PTPRD: variants seen among roughly 807,000 people sequenced by gnomAD.
PTPRD encodes the protein protein tyrosine phosphatase receptor type D.
Under a neutral mutation model 214.5 loss-of-function variants are expected in PTPRD, and 34 were observed. That is an observed-to-expected ratio of 0.16 (90% CI 0.12 to 0.21). The LOEUF is 0.21. PTPRD is among the 10% of genes least tolerant of loss of function. PTPRD has a pLI of 1.00. For missense variants in PTPRD, 2,545 were observed against 2,398.7 expected, an observed-to-expected ratio of 1.06 and a Z score of -1.27; for synonymous variants, 1,128 against 845.7, an observed-to-expected ratio of 1.33 and a Z score of -5.79.
At chr9:8,955,754 A>T (rs1264819275) in intron 11 of PTPRD, among the ~76,000 whole-genome samples, 3 of 149,850 alleles carry the variant, frequency 2.0e-5, no homozygotes, top group African/African-American at 7.3e-5. Context: ...CCTTTTAATT[A>T]AAAAAAGTCT....
At chr9:10,311,892 C>T (rs1192408822) in intron 3 of PTPRD, among the ~76,000 whole-genome samples, 5 of 151,962 alleles carry the variant, frequency 3.3e-5, no homozygotes, top group Non-Finnish European at 5.9e-5. Context: ...GTCAGGACTG[C>T]CCATTGGGAG....
chr9:9,741,612 C>A (rs1310996788), intron 6 of PTPRD, among the ~76,000 whole-genome samples: 1 of 152,122 alleles, frequency 6.6e-6, no homozygotes, highest in South Asian at 2.1e-4. Flanking sequence ...CATAGTCCCC[C>A]AAACCCTGAC....
At chr9:10,010,511 T>C (rs2096575050) in intron 4 of PTPRD, among the ~76,000 whole-genome samples, 1 of 151,740 alleles carries the variant, frequency 6.6e-6, no homozygotes, top group African/African-American at 2.4e-5. Context: ...CTTATTCAGG[T>C]ATTGATGAGT....
intron 11 of PTPRD, among the ~76,000 whole-genome samples, chr9:8,944,520 G>A (rs2099052234): frequency 6.6e-6 from 1 of 152,194 alleles, no homozygotes; most frequent in Middle Eastern, 3.4e-3. Flanking sequence ...ATCGACAGAT[G>A]AATGGATAAA....
intron 11 of PTPRD, among the ~76,000 whole-genome samples, chr9:8,829,959 TGAGAC>T (rs1263731149): frequency 4.6e-5 from 7 of 152,198 alleles, no homozygotes; most frequent in African/African-American, 1.7e-4. Context: ...ATAATGTAGC[TGAGAC>T]AACAGACCTT....
At chr9:9,058,441 G>GTTTTTTTTTTTTTT (rs2099700335) in intron 10 of PTPRD, among the ~76,000 whole-genome samples, 1 of 53,332 alleles carries the variant, frequency 1.9e-5, no homozygotes, top group Non-Finnish European at 4.9e-5. Context: ...ATATTATGAG[G>GTTTTTTTTTTTTTT]GTTTTTTTTT....
intron 5 of PTPRD, among the ~76,000 whole-genome samples, chr9:9,819,274 G>T (rs75208457): frequency 0.019 from 2,818 of 152,096 alleles, 79 homozygotes; most frequent in African/African-American, 0.065. Flanking sequence ...TCTCTATAAC[G>T]ATTTATTACA....
At chr9:10,213,885 C>T (rs1476549291) in intron 3 of PTPRD, among the ~76,000 whole-genome samples, 2 of 152,020 alleles carry the variant, frequency 1.3e-5, no homozygotes, top group East Asian at 3.9e-4. Context: ...ATTATACAAG[C>T]TTCAGAACCT....
At chr9:9,778,442 C>T (rs1207583514) in intron 5 of PTPRD, among the ~76,000 whole-genome samples, 1 of 152,116 alleles carries the variant, frequency 6.6e-6, no homozygotes, top group African/African-American at 2.4e-5. Flanking sequence ...TGGGCAGCTC[C>T]AGCAAAAAGT....
intron 8 of PTPRD, among the ~76,000 whole-genome samples, chr9:9,487,102 C>G (rs1187221014): frequency 6.6e-6 from 1 of 152,044 alleles, no homozygotes; most frequent in Non-Finnish European, 1.5e-5. Context: ...GGTACATTTG[C>G]ACAATGTGCA....
At chr9:9,045,532 G>A (rs1440869415) in intron 10 of PTPRD, among the ~76,000 whole-genome samples, 1 of 152,186 alleles carries the variant, frequency 6.6e-6, no homozygotes, top group African/African-American at 2.4e-5. Context: ...CAAGGTAACA[G>A]TTGAAGTTGC....
Position 9,062,578 on chromosome 9 carries a change from AT to A in PTPRD, c.-142-43844del, listed in dbSNP as rs1471794629. On this transcript the variant is annotated intron_variant, in intron 10 of 45. Coordinates refer to ENST00000381196, the MANE Select transcript of PTPRD (RefSeq NM_002839.4). ...ATATTATCTATCTATCTATCTATCT[AT>A]CTACCTACCTACCATCTATCTAACT... Among the ~76,000 whole-genome samples, 1,453 of 151,446 alleles carry A rather than the reference AT, an allele frequency of 9.6e-3. 25 individuals carry two copies. Among genetic ancestry groups the A allele is most frequent in the African/African-American group, 0.034 (1,380 of 41,084 alleles).
chr9:9,267,823 C>T (rs1320160290), intron 9 of PTPRD, among the ~76,000 whole-genome samples: 1 of 150,416 alleles, frequency 6.6e-6, no homozygotes, highest in African/African-American at 2.4e-5. Context: ...CAAAATTGAA[C>T]ATATTTTTAT....
intron 11 of PTPRD, among the ~76,000 whole-genome samples, chr9:8,934,458 T>A (rs1243885389): frequency 0.016 from 262 of 16,428 alleles, 14 homozygotes; most frequent in Non-Finnish European, 0.02. Flanking sequence ...AATTTATATA[T>A]ATATAAATAT....
At chr9:9,669,087 C>CT (rs1224811635) in intron 7 of PTPRD, among the ~76,000 whole-genome samples, 1 of 152,048 alleles carries the variant, frequency 6.6e-6, no homozygotes, top group Non-Finnish European at 1.5e-5. Context: ...TCTAGTTCTA[C>CT]TTTTTTTATT....
chr9:9,904,198 T>C lies in PTPRD; in HGVS notation c.-368+34309A>G, dbSNP rs138964711. Among the ~76,000 whole-genome samples the C allele has an allele frequency of 7.8e-4, 119 of 152,244 alleles. 1 individual carries two copies. The highest frequency in any genetic ancestry group is 2.8e-3 in the African/African-American group (115 of 41,570). On this transcript the variant is annotated intron_variant, in intron 5 of 45. Transcript: ENST00000381196. ...GGTCTAAAGCTGGAAATGTTTTTCT[T>C]TTCTAAATCTCAAATATGTTTTCAG...
chr9:10,361,231 A>G (rs2097382821), intron 2 of PTPRD, among the ~76,000 whole-genome samples: 1 of 152,216 alleles, frequency 6.6e-6, no homozygotes, highest in African/African-American at 2.4e-5. Context: ...GAAGACAGGT[A>G]GATTCTTCCA....
intron 7 of PTPRD, among the ~76,000 whole-genome samples, chr9:9,611,613 T>C (rs563604346): frequency 1.2e-4 from 18 of 152,162 alleles, no homozygotes; most frequent in Admixed American, 3.9e-4. Context: ...GTTATTCATA[T>C]TATATTGGTC....
intron 11 of PTPRD, among the ~76,000 whole-genome samples, chr9:8,869,747 A>AAC (rs2098262614): frequency 6.6e-6 from 1 of 151,898 alleles, no homozygotes. Context: ...AAAAAAAAAA[A>AAC]ATCACAGGTG....
Sources: allele counts gnomAD v4.1 joint callset (sites outside exome capture counted in the v4.1 genomes callset), GRCh38; gene constraint gnomAD v4.1.1; transcripts MANE v1.5; gene names NCBI Gene and HGNC (gene_info 2026-07-23, HGNC 2026-07-21).